Variants in CRY2 observed in about 807,000 individuals in gnomAD.
CRY2 encodes cryptochrome circadian regulator 2.
CRY2 carries 31 observed loss-of-function variants against 69.5 expected under a neutral mutation model. The observed-to-expected ratio is 0.45, with a 90% CI of 0.34 to 0.60. The LOEUF (loss-of-function observed/expected upper bound fraction) is 0.60. Among genes scored for constraint, CRY2 ranks in the 20% least tolerant of loss-of-function variants. CRY2 has a pLI of 0.02. For missense variants in CRY2, 606 were observed against 797.8 expected, an observed-to-expected ratio of 0.76 and a Z score of 2.90; for synonymous variants, 303 against 312.2, an observed-to-expected ratio of 0.97 and a Z score of 0.31.
intron 1 of CRY2, among the ~76,000 whole-genome samples, chr11:45,853,294 T>C (rs2086212148): frequency 6.6e-6 from 1 of 152,228 alleles, no homozygotes; most frequent in Non-Finnish European, 1.5e-5. Flanking sequence ...ATGTTAATCA[T>C]TGCCATTATT....
chr11:45,872,277 G>A, intron 11 of CRY2, 44 bp downstream of exon 11: 2 of 1,578,640 alleles, frequency 1.3e-6, no homozygotes, highest in Non-Finnish European at 1.7e-6. Context: ...AGGAAGTTGG[G>A]AGTGGGGGGG....
At chr11:45,877,257 C>T (rs928707317) in intron 11 of CRY2, among the ~76,000 whole-genome samples, 4 of 152,226 alleles carry the variant, frequency 2.6e-5, no homozygotes, top group East Asian at 1.9e-4. Context: ...AAGCAGGTAG[C>T]GAACCCTCTG....
At chr11:45,848,781 G>A (rs977109190) in intron 1 of CRY2, among the ~76,000 whole-genome samples, 2 of 152,170 alleles carry the variant, frequency 1.3e-5, no homozygotes, top group Non-Finnish European at 2.9e-5. Context: ...GGATACCGTG[G>A]CTCTCGGCAC....
chr11:45,867,582 T>G (rs1224590983), intron 5 of CRY2, 30 bp from the exon 6 acceptor site: 1 of 1,613,840 alleles, frequency 6.2e-7, no homozygotes, highest in East Asian at 2.2e-5. Context: ...TCCAAGCCTT[T>G]CCTTTTGCCA....
intron 1 of CRY2, among the ~76,000 whole-genome samples, chr11:45,853,987 C>A (rs76697834): frequency 3.3e-5 from 5 of 152,244 alleles, no homozygotes; most frequent in Non-Finnish European, 7.3e-5. Context: ...GAGGCCAGGG[C>A]TCAGCCCATG....
intron 1 of CRY2, among the ~76,000 whole-genome samples, chr11:45,850,641 A>G (rs1400990886): frequency 6.6e-6 from 1 of 151,766 alleles, no homozygotes; most frequent in Admixed American, 6.7e-5. Context: ...ACATGACTGT[A>G]GTATGTGTAA....
In CRY2 at chr11:45,862,116, C is replaced by G. The variant is rs2086292824; in HGVS notation, c.709C>G (p.Leu237Val). ...CTGGCAGGGAGGAGAGACAGAAGCT[C>G]TGGCCCGCCTGGATAAGCACTTGGA... is the stretch of plus-strand genomic sequence containing the variant. ...AVWQGGETEA[L>V]ARLDKHLERK... Residue 237 changes from leucine (L) to valine (V), a missense_variant, in exon 5 of 12, where the codon CTG becomes GTG. Leu to Val is a conservative substitution (Grantham distance 32). Transcript: ENST00000616080. 2 of 1,613,894 alleles carry G rather than the reference C, an allele frequency of 1.2e-6. No homozygotes were observed. The highest frequency in any genetic ancestry group is 1.1e-5 in the South Asian group (1 of 91,042).
chr11:45,847,462 C>CG, upstream of CRY2: 3 of 1,596,250 alleles, frequency 1.9e-6, no homozygotes, highest in Non-Finnish European at 2.6e-6. Flanking sequence ...CGGGGCGGAG[C>CG]GGGGGTGGCT....
At chr11:45,858,099 C>T (rs2086256846) in intron 2 of CRY2, among the ~76,000 whole-genome samples, 1 of 152,232 alleles carries the variant, frequency 6.6e-6, no homozygotes, top group Non-Finnish European at 1.5e-5. Flanking sequence ...CCAGAAATGA[C>T]TAAAGGCTTA....
At chr11:45,856,883 G>T (rs2086244030) in intron 2 of CRY2, among the ~76,000 whole-genome samples, 1 of 151,854 alleles carries the variant, frequency 6.6e-6, no homozygotes, top group African/African-American at 2.4e-5. Flanking sequence ...TCATTTTGGT[G>T]CCACATAGGT....
intron 2 of CRY2, among the ~76,000 whole-genome samples, chr11:45,857,097 C>T (rs2086246288): frequency 6.6e-6 from 1 of 152,154 alleles, no homozygotes; most frequent in South Asian, 2.1e-4. Context: ...AGGCAAACAG[C>T]TTAGTGAATA....
intron 4 of CRY2, 113 bp downstream of exon 4, chr11:45,861,145 A>G: frequency 8.0e-7 from 1 of 1,255,020 alleles, no homozygotes; most frequent in Admixed American, 2.7e-5. Context: ...CAGGAAAACA[A>G]AAATGGAAAT....
At chr11:45,862,676 A>G (rs1305946679) in intron 5 of CRY2, among the ~76,000 whole-genome samples, 2 of 152,160 alleles carry the variant, frequency 1.3e-5, no homozygotes, top group Non-Finnish European at 2.9e-5. Flanking sequence ...TACTAAGAGG[A>G]TATCTGGTTA....
intron 11 of CRY2, among the ~76,000 whole-genome samples, chr11:45,875,454 T>C (rs1038523437): frequency 6.6e-6 from 1 of 151,928 alleles, no homozygotes. Context: ...GAGGAACAGG[T>C]TGGGGAGAGA....
At chr11:45,851,984 G>C (rs1240939020) in intron 1 of CRY2, among the ~76,000 whole-genome samples, 1 of 152,112 alleles carries the variant, frequency 6.6e-6, no homozygotes, top group Non-Finnish European at 1.5e-5. Flanking sequence ...CCTAGAGAAG[G>C]CCTTCCCTAA....
intron 6 of CRY2, 138 bp from the exon 7 acceptor site, chr11:45,869,368 G>A (rs2086355771): frequency 3.4e-6 from 3 of 873,406 alleles, no homozygotes; most frequent in African/African-American, 3.4e-5. Context: ...GCCACTTCTA[G>A]GGGATAGTCC....
intron 10 of CRY2, 32 bp from the exon 11 acceptor site, chr11:45,872,050 GCATGCACAGT>G: frequency 8.1e-6 from 13 of 1,608,322 alleles, no homozygotes; most frequent in Non-Finnish European, 1.1e-5. Flanking sequence ...CATTTTGGCT[GCATGCACAGT>G]CTGTGTGACC....
chr11:45,850,811 T>C (rs1385880033), intron 1 of CRY2, among the ~76,000 whole-genome samples: 2 of 152,110 alleles, frequency 1.3e-5, no homozygotes, highest in East Asian at 3.9e-4. Flanking sequence ...TCTGTGACTC[T>C]GTTTCCCTCC....
At chr11:45,852,908 C>T (rs996862573) in intron 1 of CRY2, among the ~76,000 whole-genome samples, 1 of 152,184 alleles carries the variant, frequency 6.6e-6, no homozygotes, top group Non-Finnish European at 1.5e-5. Context: ...GTTTCACAGC[C>T]AATGCTGCTG....
Sources: allele counts gnomAD v4.1 joint callset (sites outside exome capture counted in the v4.1 genomes callset), GRCh38; gene constraint gnomAD v4.1.1; transcripts MANE v1.5; gene names NCBI Gene and HGNC (gene_info 2026-07-23, HGNC 2026-07-21).